The following LRRC37A2 variants were observed in gnomAD, a reference collection of about 807,000 sequenced individuals.
LRRC37A2 encodes the protein leucine rich repeat containing 37 member A2.
In LRRC37A2, 9 loss-of-function variants were observed where a neutral mutation model predicts 68.8. The observed-to-expected ratio is 0.13, with a 90% CI of 0.08 to 0.23. The LOEUF is 0.23. LRRC37A2 is among the 10% of genes least tolerant of loss of function. The pLI is 1.00. For synonymous variants in LRRC37A2, 63 were observed against 367.6 expected (o/e 0.17, Z 9.48); for missense variants, 168 against 950.4 (o/e 0.18, Z 10.82).
At chr17:46,840,016 TTTCTTTCTTTCTTTCTTTTC>T in the LRRC37A2 span, among the ~76,000 whole-genome samples, 23 of 100,128 alleles carry the variant, frequency 2.3e-4, no homozygotes, top group South Asian at 1.1e-3. Context: ...TCTTTCTTTC[TTTCTTTCTTTCTTTCTTTTC>T]TTTCTTTCTT....
At chr17:46,893,741 G>C in the LRRC37A2 span, among the ~76,000 whole-genome samples, 1 of 152,184 alleles carries the variant, frequency 6.6e-6, no homozygotes, top group South Asian at 2.1e-4. Flanking sequence ...GGCTTCTAGA[G>C]GAGTCTAGAA....
chr17:46,814,631 C>A, the LRRC37A2 span, among the ~76,000 whole-genome samples: 2 of 152,232 alleles, frequency 1.3e-5, no homozygotes, highest in African/African-American at 4.8e-5. Flanking sequence ...GCTAGCTCAG[C>A]TCCTCACCAG....
chr17:46,461,145 T>C, the LRRC37A2 span, among the ~76,000 whole-genome samples: 14,094 of 66,590 alleles, frequency 0.21, 4,423 homozygotes, highest in Middle Eastern at 0.46. Flanking sequence ...AAAAAGTCAA[T>C]CAAAGGCCAT....
the LRRC37A2 span, among the ~76,000 whole-genome samples, chr17:46,904,463 TGGA>T: frequency 3.9e-4 from 57 of 147,146 alleles, no homozygotes; most frequent in Admixed American, 8.8e-4. Context: ...GATGGATGGA[TGGA>T]TGGATGGATG....
chr17:46,704,780 G>T, the LRRC37A2 span: 1 of 1,605,094 alleles, frequency 6.2e-7, no homozygotes, highest in Non-Finnish European at 8.5e-7. Flanking sequence ...AGTGGAAGTG[G>T]ACATGGAGAA....
the LRRC37A2 span, among the ~76,000 whole-genome samples, chr17:46,853,270 A>G: frequency 6.6e-6 from 1 of 150,848 alleles, no homozygotes. Context: ...AATGAAGATT[A>G]TACTGCCTAT....
the LRRC37A2 span, among the ~76,000 whole-genome samples, chr17:46,458,754 T>C: frequency 1.8e-5 from 2 of 108,770 alleles, no homozygotes; most frequent in African/African-American, 3.2e-5. Flanking sequence ...TTGGTCAGGC[T>C]GGTCTCGAGC....
chr17:46,934,275 G>A, the LRRC37A2 span, among the ~76,000 whole-genome samples: 1 of 152,078 alleles, frequency 6.6e-6, no homozygotes, highest in East Asian at 1.9e-4. Flanking sequence ...GAGGCCTGTG[G>A]ACAGATTCCT....
the LRRC37A2 span, among the ~76,000 whole-genome samples, chr17:46,830,441 G>A: frequency 6.6e-6 from 1 of 151,932 alleles, no homozygotes; most frequent in Non-Finnish European, 1.5e-5. Context: ...TTTAGAGATG[G>A]TGTCTTCTTC....
chr17:46,787,927 G>C, the LRRC37A2 span, among the ~76,000 whole-genome samples: 1 of 149,282 alleles, frequency 6.7e-6, no homozygotes, highest in South Asian at 2.1e-4. Context: ...CTGCACTCCA[G>C]CCTGGGCAAC....
chr17:46,757,260 G>A, the LRRC37A2 span: 1 of 152,466 alleles, frequency 6.6e-6, no homozygotes, highest in African/African-American at 2.4e-5. Flanking sequence ...ATTGTATTGT[G>A]AGATCCTGTG....
the LRRC37A2 span, among the ~76,000 whole-genome samples, chr17:46,854,280 G>A: frequency 1.7e-4 from 26 of 152,322 alleles, no homozygotes; most frequent in Non-Finnish European, 3.1e-4. Context: ...TCTGGTATCA[G>A]TCATCTACAC....
chr17:46,768,609 C>T, the LRRC37A2 span: 3 of 1,614,130 alleles, frequency 1.9e-6, no homozygotes, highest in South Asian at 1.1e-5. This position sits in a 1 kb window ranked among gnomAD's most constrained non-coding sequence, Gnocchi z 5.0. Flanking sequence ...GTACTTGGCC[C>T]GGAGGGTCTC....
chr17:46,988,120 C>T, the LRRC37A2 span, among the ~76,000 whole-genome samples: 15 of 152,146 alleles, frequency 9.9e-5, no homozygotes, highest in Admixed American at 7.9e-4. Context: ...TGCAGTGAGC[C>T]GAGATTGCAT....
chr17:46,759,242 G>A, the LRRC37A2 span, among the ~76,000 whole-genome samples: 1 of 152,168 alleles, frequency 6.6e-6, no homozygotes, highest in Admixed American at 6.5e-5. Context: ...GTGTGTATGA[G>A]AGTTCAAGAA....
chr17:46,816,711 T>TTCATACCTCTTCTCTA, the LRRC37A2 span, among the ~76,000 whole-genome samples: 1 of 152,078 alleles, frequency 6.6e-6, no homozygotes, highest in African/African-American at 2.4e-5. Flanking sequence ...ACTGGAAGAG[T>TTCATACCTCTTCTCTA]GCCCTCTTCT....
the LRRC37A2 span, among the ~76,000 whole-genome samples, chr17:46,873,925 G>T: frequency 2.0e-5 from 3 of 151,072 alleles, no homozygotes; most frequent in Admixed American, 1.3e-4. Flanking sequence ...GGAGGTGGAG[G>T]TTGCAGTGAG....
At chr17:47,046,436 A>C in the LRRC37A2 span, among the ~76,000 whole-genome samples, 1 of 139,094 alleles carries the variant, frequency 7.2e-6, no homozygotes, top group South Asian at 2.5e-4. Context: ...TTTCACCCAA[A>C]TGTGCATCAG....
chr17:46,667,360 G>T, the LRRC37A2 span, among the ~76,000 whole-genome samples: 3 of 145,264 alleles, frequency 2.1e-5, no homozygotes, highest in Non-Finnish European at 4.5e-5. Context: ...TTATTTAACA[G>T]AAAACACTGT....
Sources: gnomAD v4.1 joint callset for allele counts (sites outside exome capture counted in the v4.1 genomes callset) on GRCh38, gnomAD v4.1.1 for gene constraint, Gnocchi (gnomAD v3.1) non-coding constraint, MANE v1.5 for transcripts, NCBI Gene and HGNC (gene_info 2026-07-23, HGNC 2026-07-21) for gene names.